RALGAPB: variants seen among roughly 807,000 people sequenced by gnomAD.
RALGAPB encodes the protein Ral GTPase activating protein non-catalytic subunit beta.
Under a neutral mutation model 161.1 loss-of-function variants are expected in RALGAPB, and 25 were observed. The ratio of observed to expected loss-of-function variants is 0.16; its 90% CI spans 0.11 to 0.22. The LOEUF is 0.22. Among genes scored for constraint, RALGAPB ranks in the 10% least tolerant of loss-of-function variants. The pLI is 1.00. For synonymous variants in RALGAPB, 629 were observed against 626.1 expected, an observed-to-expected ratio of 1.00 and a Z score of -0.07; for missense variants, 1,391 against 1,815.2, an observed-to-expected ratio of 0.77 and a Z score of 4.25.
intron 20 of RALGAPB, 75 bp downstream of exon 20, chr20:38,548,870 C>T (rs941046159): frequency 2.4e-6 from 3 of 1,235,998 alleles, no homozygotes; most frequent in South Asian, 1.2e-5. Flanking sequence ...CAACAGAAGA[C>T]ACAGATCAAA....
At chr20:38,535,573 T>C (rs2086779054) in intron 16 of RALGAPB, among the ~76,000 whole-genome samples, 1 of 151,814 alleles carries the variant, frequency 6.6e-6, no homozygotes, top group East Asian at 1.9e-4. Context: ...TTATCAGAGA[T>C]AAGTGAAAAC....
chr20:38,493,878 A>C (rs2085342677), intron 3 of RALGAPB, among the ~76,000 whole-genome samples: 1 of 152,140 alleles, frequency 6.6e-6, no homozygotes, highest in Non-Finnish European at 1.5e-5. Flanking sequence ...GCCCCTAACT[A>C]GACTAGCTGT....
chr20:38,535,632 G>A (rs976215715), intron 16 of RALGAPB, among the ~76,000 whole-genome samples: 27 of 143,714 alleles, frequency 1.9e-4, no homozygotes, highest in African/African-American at 6.2e-4. Flanking sequence ...TTGCTCTGTC[G>A]CCCAGTCTGT....
At chr20:38,550,003 A>G (rs933318973) in intron 20 of RALGAPB, among the ~76,000 whole-genome samples, 1 of 152,240 alleles carries the variant, frequency 6.6e-6, no homozygotes, top group Non-Finnish European at 1.5e-5. Context: ...AGGGACATGG[A>G]TGAAATTGGA....
chr20:38,570,746 G>T (rs767009344), intron 27 of RALGAPB, 23 bp from the exon 28 acceptor site: 1 of 1,462,836 alleles, frequency 6.8e-7, no homozygotes, highest in Non-Finnish European at 9.6e-7. Flanking sequence ...GATATTAATT[G>T]TAATGCTATT....
intron 13 of RALGAPB, among the ~76,000 whole-genome samples, chr20:38,527,668 G>T (rs764430538): frequency 6.6e-6 from 1 of 152,178 alleles, no homozygotes; most frequent in Non-Finnish European, 1.5e-5. Flanking sequence ...ACAGAGGGTG[G>T]TTTATGTGGA....
chr20:38,545,264 A>G (rs1348001802), intron 18 of RALGAPB, among the ~76,000 whole-genome samples: 2 of 152,196 alleles, frequency 1.3e-5, no homozygotes, highest in African/African-American at 2.4e-5. Context: ...GTTATTTCAT[A>G]TAATATGAAA....
intron 9 of RALGAPB, among the ~76,000 whole-genome samples, chr20:38,518,347 G>C (rs908084678): frequency 6.6e-6 from 1 of 152,062 alleles, no homozygotes. Flanking sequence ...TTAAAAATTC[G>C]AACTGGAAAT....
rs533786751 is a variant in RALGAPB at position 38,533,213 on chromosome 20, T to TA, written c.2245+355dup. On this transcript the variant is annotated intron_variant, in intron 15 of 29. Transcript: ENST00000262879. ...TGGCAGAGATGTCCAATAAGCCAGTTATTGCAGTGTGGCAAGGAGGGTAAT... is the reference window on the plus strand; with the variant it reads ...TGGCAGAGATGTCCAATAAGCCAGTTAATTGCAGTGTGGCAAGGAGGGTAAT... 6.6e-5 allele frequency among the ~76,000 whole-genome samples: 10 copies of TA among 152,272 alleles called. No individual in the cohort carries two copies. In the East Asian group the frequency reaches 1.9e-3, roughly 29 times the overall value.
chr20:38,549,549 A>AATAT (rs1555882891), intron 20 of RALGAPB, among the ~76,000 whole-genome samples: 36 of 131,070 alleles, frequency 2.7e-4, no homozygotes, highest in African/African-American at 5.2e-4. Context: ...AAAAAAAAAA[A>AATAT]ATATATATAT....
chr20:38,557,185 A>G (rs1437015197), intron 22 of RALGAPB, among the ~76,000 whole-genome samples: 1 of 152,182 alleles, frequency 6.6e-6, no homozygotes, highest in East Asian at 1.9e-4. Context: ...ACAAAAATGC[A>G]TTTTTGAAAA....
chr20:38,532,972 A>G (rs1463758954), intron 15 of RALGAPB, 113 bp downstream of exon 15: 2 of 1,193,862 alleles, frequency 1.7e-6, no homozygotes, highest in Non-Finnish European at 2.3e-6. Flanking sequence ...ATACTTAAGT[A>G]TAATAGAGAG....
chr20:38,485,800 C>T (rs1405482729), intron 1 of RALGAPB, among the ~76,000 whole-genome samples: 1 of 151,922 alleles, frequency 6.6e-6, no homozygotes, highest in South Asian at 2.1e-4. Context: ...ATGTTTGTTT[C>T]TAATGTTTAT....
At chr20:38,495,586 A>T (rs2085405091) in intron 3 of RALGAPB, among the ~76,000 whole-genome samples, 1 of 152,004 alleles carries the variant, frequency 6.6e-6, no homozygotes, top group African/African-American at 2.4e-5. Context: ...AGATTTGTAA[A>T]CTCTATTTAC....
Position 38,525,400 on chromosome 20 carries a change from G to A in RALGAPB, c.1788-4G>A. Reference sequence around the variant, plus strand: ...AATACTAATAGCTTTTTATTTTTTGGCAGAGAACTCTCAAAATTCAAAAGC... The same window carrying A: ...AATACTAATAGCTTTTTATTTTTTGACAGAGAACTCTCAAAATTCAAAAGC... On this transcript the variant is annotated splice_region_variant and splice_polypyrimidine_tract_variant and intron_variant, in intron 11 of 29. Coordinates refer to ENST00000262879, the MANE Select transcript of RALGAPB (RefSeq NM_020336.4). 1.3e-6 allele frequency: 2 copies of A among 1,565,912 alleles called. No individual in the cohort carries two copies. Among genetic ancestry groups the A allele is most frequent in the Non-Finnish European group, 1.7e-6 (2 of 1,150,784 alleles).
At chr20:38,502,443 C>G (rs993092134) in intron 5 of RALGAPB, among the ~76,000 whole-genome samples, 6 of 152,224 alleles carry the variant, frequency 3.9e-5, no homozygotes, top group Non-Finnish European at 5.9e-5. Flanking sequence ...AGTTGAATTG[C>G]TTGATACGTT....
At chr20:38,536,721 T>C (rs2086818507) in intron 16 of RALGAPB, among the ~76,000 whole-genome samples, 2 of 152,226 alleles carry the variant, frequency 1.3e-5, no homozygotes, top group Non-Finnish European at 2.9e-5. Flanking sequence ...AAAGAGCCGA[T>C]AACCAGGTGC....
At chr20:38,490,463 C>T (rs2085247288) in intron 2 of RALGAPB, among the ~76,000 whole-genome samples, 2 of 151,688 alleles carry the variant, frequency 1.3e-5, no homozygotes, top group Non-Finnish European at 2.9e-5. Context: ...CCGCCTCGGC[C>T]TCCCAAAGTG....
At chr20:38,517,365 G>C (rs926334901) in intron 7 of RALGAPB, 141 bp from the exon 8 acceptor site, 3 of 700,244 alleles carry the variant, frequency 4.3e-6, no homozygotes, top group African/African-American at 1.9e-5. Context: ...AAGAAATAGT[G>C]AGTAGATACT....
Sources: allele counts gnomAD v4.1 joint callset (sites outside exome capture counted in the v4.1 genomes callset), GRCh38; gene constraint gnomAD v4.1.1; transcripts MANE v1.5; gene names NCBI Gene and HGNC (gene_info 2026-07-23, HGNC 2026-07-21).